The following LRPPRC variants were observed in gnomAD, a reference collection of about 807,000 sequenced individuals.
The protein encoded by LRPPRC is leucine rich pentatricopeptide repeat containing, also known as leucine-rich PPR motif-containing protein, mitochondrial.
A neutral mutation model predicts 180.3 loss-of-function variants in LRPPRC; 120 were observed. The observed-to-expected ratio is 0.67, with a 90% CI of 0.57 to 0.77. The LOEUF (loss-of-function observed/expected upper bound fraction) is 0.77. LRPPRC is among the 30% of genes least tolerant of loss of function. The pLI is 0.00. For missense variants in LRPPRC, 2,012 were observed against 1,657.2 expected (o/e 1.21, Z -3.72); for synonymous variants, 723 against 600.0 (o/e 1.21, Z -3.00).
At chr2:43,920,492 A>C (rs1671660416) in intron 27 of LRPPRC, among the ~76,000 whole-genome samples, 1 of 152,172 alleles carries the variant, frequency 6.6e-6, no homozygotes, top group African/African-American at 2.4e-5. Context: ...GCAGAAATTA[A>C]CCTAAAGTGC....
chr2:43,949,523 G>A (rs2103621047), intron 16 of LRPPRC, 79 bp downstream of exon 16: 1 of 983,002 alleles, frequency 1.0e-6, no homozygotes, highest in Non-Finnish European at 1.6e-6. Context: ...AGTATTTACT[G>A]CTGTAATCCT....
At chr2:43,916,950 G>A (rs12615989) in intron 29 of LRPPRC, among the ~76,000 whole-genome samples, 67,858 of 118,052 alleles carry the variant, frequency 0.57, 20,174 homozygotes, top group East Asian at 0.94. Flanking sequence ...TCTCCGGGGG[G>A]AAAAAAAAAA....
At chr2:43,966,676 G>A (rs889191773) in intron 11 of LRPPRC, among the ~76,000 whole-genome samples, 1 of 151,268 alleles carries the variant, frequency 6.6e-6, no homozygotes, top group African/African-American at 2.4e-5. Flanking sequence ...CCAAAGTGCT[G>A]GGATTACAGG....
At chr2:43,942,906 A>G (rs1350404046) in intron 23 of LRPPRC, among the ~76,000 whole-genome samples, 1 of 151,954 alleles carries the variant, frequency 6.6e-6, no homozygotes, top group East Asian at 1.9e-4. Context: ...TTTAATTATT[A>G]TCTTCTATTT....
At position 43,912,577 on chromosome 2, in the gene LRPPRC, A is replaced by C; in HGVS notation, c.3149-19T>G. 4 of 1,574,724 alleles carry C rather than the reference A, an allele frequency of 2.5e-6. No individual in the cohort carries two copies. Among genetic ancestry groups the C allele is most frequent in the African/African-American group, 1.3e-5 (1 of 74,222 alleles). ...TATGCCCCTATGAGAGAAAACAGAC[A>C]AAAAAAATGAGATGACATTATTCTG... is the stretch of plus-strand genomic sequence containing the variant. On this transcript the variant is annotated intron_variant, in intron 29 of 37. Coordinates refer to ENST00000260665, the MANE Select transcript of LRPPRC (RefSeq NM_133259.4).
chr2:43,954,070 G>A (rs1042522153), intron 14 of LRPPRC, among the ~76,000 whole-genome samples: 1 of 152,046 alleles, frequency 6.6e-6, no homozygotes, highest in East Asian at 1.9e-4. Context: ...TTTTTATAGG[G>A]CTATCTCCCC....
chr2:43,894,599 T>G lies in LRPPRC; in HGVS notation c.3931A>C (p.Ile1311Leu). 2.5e-6 allele frequency: 4 copies of G among 1,583,796 alleles called. No individual in the cohort carries two copies. Among genetic ancestry groups the G allele is most frequent in the Non-Finnish European group, 3.5e-6 (4 of 1,152,690 alleles). The change falls in exon 36 of 38, where the codon ATT (isoleucine) becomes CTT (leucine). Residue 1311 changes from isoleucine (I) to leucine (L), a missense_variant. Physicochemically the swap from Ile to Leu is conservative, Grantham distance 5. Coordinates refer to ENST00000260665, the MANE Select transcript of LRPPRC (RefSeq NM_133259.4). ...ASTVKSVLELIPELNEKEEAY... is the reference protein window; with the variant it reads ...ASTVKSVLELLPELNEKEEAY... ...TCTTCCTTTTCATTTAATTCAGGAA[T>G]CAATTCTAACACAGATTTCACAGTT...
intron 36 of LRPPRC, among the ~76,000 whole-genome samples, chr2:43,893,525 TG>T (rs2104977497): frequency 6.6e-6 from 1 of 152,376 alleles, no homozygotes; most frequent in East Asian, 1.9e-4. Flanking sequence ...AAGGCACAGA[TG>T]ATCGTTAACT....
chr2:43,980,076 T>G, intron 2 of LRPPRC, 128 bp from the exon 3 acceptor site: 1 of 868,622 alleles, frequency 1.2e-6, no homozygotes, highest in Non-Finnish European at 1.9e-6. Context: ...TAACCATAAA[T>G]TAGAAAAATC....
At chr2:43,958,180 G>T (rs1316902733) in intron 13 of LRPPRC, among the ~76,000 whole-genome samples, 2 of 152,182 alleles carry the variant, frequency 1.3e-5, no homozygotes, top group African/African-American at 4.8e-5. Context: ...CAAGGGATGA[G>T]ATCACAGTAG....
chr2:43,983,151 A>G (rs1674385737), intron 1 of LRPPRC, among the ~76,000 whole-genome samples: 1 of 152,184 alleles, frequency 6.6e-6, no homozygotes, highest in Non-Finnish European at 1.5e-5. Flanking sequence ...AAGAAAAATG[A>G]TTACAAATTA....
chr2:43,982,145 C>T (rs541812602), intron 2 of LRPPRC, 93 bp downstream of exon 2: 8 of 819,550 alleles, frequency 9.8e-6, no homozygotes, highest in East Asian at 7.9e-5. Flanking sequence ...TGGCCTCAAG[C>T]GATCTACCTG....
intron 1 of LRPPRC, among the ~76,000 whole-genome samples, chr2:43,983,494 G>A (rs1674400265): frequency 1.3e-5 from 2 of 152,068 alleles, no homozygotes; most frequent in South Asian, 2.1e-4. Flanking sequence ...TATGTGTGAA[G>A]GAAACCTGTT....
At chr2:43,888,789 T>C in intron 37 of LRPPRC, 133 bp from the exon 38 acceptor site, 1 of 657,708 alleles carries the variant, frequency 1.5e-6, no homozygotes, top group South Asian at 1.6e-5. Flanking sequence ...CCCCTCAAGC[T>C]TCAGTACTCC....
At chr2:43,899,076 C>G in intron 34 of LRPPRC, 143 bp downstream of exon 34, 2 of 691,480 alleles carry the variant, frequency 2.9e-6, no homozygotes, top group Non-Finnish European at 2.6e-6. Context: ...GTCCTGCAAC[C>G]GTGATTCACA....
intron 6 of LRPPRC, 23 bp from the exon 7 acceptor site, chr2:43,975,240 G>C (rs1462763691): frequency 6.2e-7 from 1 of 1,606,218 alleles, no homozygotes; most frequent in Non-Finnish European, 8.5e-7. Flanking sequence ...TCAAAAAACA[G>C]ATTATTATGC....
intron 12 of LRPPRC, 164 bp downstream of exon 12, chr2:43,963,424 A>G (rs1673430161): frequency 3.0e-6 from 2 of 658,134 alleles, no homozygotes; most frequent in Non-Finnish European, 2.7e-6. Flanking sequence ...TGCCTGGGCA[A>G]TGAGAGAGAA....
At position 43,976,989 on chromosome 2, in the gene LRPPRC, C is replaced by T. The variant is rs1430790583; in HGVS notation, c.650+5G>A. 6.2e-7 allele frequency: 1 copy of T among 1,610,994 alleles called. No homozygotes were observed. The highest frequency in any genetic ancestry group is 1.7e-5 in the Admixed American group (1 of 59,960). On this transcript the variant is annotated splice_donor_5th_base_variant and intron_variant, in intron 5 of 37. Transcript: ENST00000260665. ...TCGCTTAAACATGTTCATACAGATC[C>T]ATACCTGGCACCTTCAATATCTCCT...
intron 14 of LRPPRC, among the ~76,000 whole-genome samples, chr2:43,951,992 A>C (rs1338066061): frequency 3.3e-5 from 5 of 152,152 alleles, no homozygotes; most frequent in Non-Finnish European, 5.9e-5. Context: ...TCGGGAGTTC[A>C]AGACCAGCCT....
Sources: allele counts gnomAD v4.1 joint callset (sites outside exome capture counted in the v4.1 genomes callset), GRCh38; gene constraint gnomAD v4.1.1; transcripts MANE v1.5; gene names NCBI Gene and HGNC (gene_info 2026-07-23, HGNC 2026-07-21).